The following SUPT7L variants were observed in gnomAD, a reference collection of about 807,000 sequenced individuals.
SUPT7L encodes STAGA complex 65 subunit gamma.
Under a neutral mutation model 35.7 loss-of-function variants are expected in SUPT7L, and 15 were observed. The ratio of observed to expected loss-of-function variants is 0.42; its 90% CI spans 0.28 to 0.65. The LOEUF (loss-of-function observed/expected upper bound fraction) is 0.65. Among genes scored for constraint, SUPT7L ranks in the 30% least tolerant of loss-of-function variants. The pLI is 0.23. For missense variants in SUPT7L, 434 were observed against 522.2 expected (o/e 0.83, Z 1.65); for synonymous variants, 168 against 186.2 (o/e 0.90, Z 0.79).
At chr2:27,644,245 T>G in the SUPT7L span, among the ~76,000 whole-genome samples, 1 of 152,204 alleles carries the variant, frequency 6.6e-6, no homozygotes, top group African/African-American at 2.4e-5. Flanking sequence ...ATAAGAATTT[T>G]GTGGGGTGAT....
At chr2:27,644,276 C>G in the SUPT7L span, among the ~76,000 whole-genome samples, 1 of 152,054 alleles carries the variant, frequency 6.6e-6, no homozygotes, top group African/African-American at 2.4e-5. Context: ...TATAAATATC[C>G]TTTTAGTTTT....
intron 2 of SUPT7L, 107 bp from the exon 3 acceptor site, chr2:27,661,495 G>A: frequency 6.5e-7 from 1 of 1,530,710 alleles, no homozygotes; most frequent in Non-Finnish European, 8.7e-7. Flanking sequence ...GGCTTCTGTA[G>A]TGAAAAATAC....
the SUPT7L span, chr2:27,642,579 T>A: frequency 9.7e-7 from 1 of 1,031,000 alleles, no homozygotes; most frequent in Non-Finnish European, 1.5e-6. Flanking sequence ...TTCTTTTATT[T>A]ATTTATTTAT....
chr2:27,643,330 CTA>C, the SUPT7L span, among the ~76,000 whole-genome samples: 2 of 151,512 alleles, frequency 1.3e-5, no homozygotes, highest in African/African-American at 2.4e-5. This position sits in a 1 kb window ranked among gnomAD's most constrained non-coding sequence, Gnocchi z 4.0. Flanking sequence ...TATTCTTTAT[CTA>C]TATATGACTT....
Position 27,662,077 on chromosome 2 carries a change from CTTTTTAA to C in SUPT7L, c.14+95_14+101del, listed in dbSNP as rs1433016530. The C allele has an allele frequency of 1.9e-6, 3 of 1,542,958 alleles. No homozygotes were observed. In the African/African-American group the frequency reaches 4.1e-5, roughly 21 times the overall value. Reference sequence around the variant, plus strand: ...TCTCTACACTGCTGCTAGACTTACTCTTTTTAAAACTTAAATCAAATGGCTTCCCATT... The same window carrying C: ...TCTCTACACTGCTGCTAGACTTACTCAACTTAAATCAAATGGCTTCCCATT... On this transcript the variant is annotated intron_variant, in intron 2 of 5. Transcript: ENST00000337768.
chr2:27,653,618 C>G lies in SUPT7L; in HGVS notation c.1112G>C (p.Gly371Ala). The part of the protein sequence containing the change: ...GSDVFEEPMS[G>A]MSEAGIPQSP... ...CTGAGGAATCCCAGCTTCACTCATG[C>G]CTGACATAGGCTCCTCGAAGACATC... The change falls in exon 6 of 6, where the codon GGC (glycine) becomes GCC (alanine). Residue 371 changes from glycine (G) to alanine (A), a missense_variant. Gly to Ala is a moderately conservative substitution (Grantham distance 60). Coordinates refer to ENST00000337768, the MANE Select transcript of SUPT7L (RefSeq NM_014860.3). 6.2e-7 allele frequency: 1 copy of G among 1,614,184 alleles called. No individual in the cohort carries two copies. The highest frequency in any genetic ancestry group is 8.5e-7 in the Non-Finnish European group (1 of 1,180,040).
intron 5 of SUPT7L, 137 bp from the exon 6 acceptor site, chr2:27,653,884 G>A (rs957051216): frequency 1.3e-5 from 15 of 1,134,448 alleles, no homozygotes; most frequent in Non-Finnish European, 1.9e-5. Context: ...CTTGGCTGGA[G>A]AATATGGTTG....
chr2:27,651,127 T>C lies in SUPT7L; in HGVS notation c.*2358A>G, dbSNP rs142156179. On this transcript the variant is annotated 3_prime_UTR_variant, in exon 6 of 6. Coordinates refer to ENST00000337768, the MANE Select transcript of SUPT7L (RefSeq NM_014860.3). ...CACATTTCATACATAACAGCCCTTA[T>C]AAACGTTTGCCCTGCCTCCACATTT... 3 of 152,504 alleles carry C rather than the reference T, an allele frequency of 2.0e-5. No individual in the cohort carries two copies. Among genetic ancestry groups the C allele is most frequent in the African/African-American group, 7.2e-5 (3 of 41,586 alleles). The allele number at this position is 152,504 out of a possible 1,614,324, so 9.4% of individuals were successfully genotyped here. A position where few individuals can be genotyped will look rare whatever the true frequency, so the allele number is the denominator to read the frequency against.
At chr2:27,645,353 TTA>T in the SUPT7L span, among the ~76,000 whole-genome samples, 1 of 152,210 alleles carries the variant, frequency 6.6e-6, no homozygotes, top group Non-Finnish European at 1.5e-5. Flanking sequence ...AATTATGTAA[TTA>T]TGTTTCAATA....
In SUPT7L at chr2:27,663,607, A is replaced by G. The variant is rs368426425; in HGVS notation, c.-368T>C. 9.9e-6 allele frequency: 7 copies of G among 707,314 alleles called. No homozygotes were observed. Among genetic ancestry groups the G allele is most frequent in the Non-Finnish European group, 1.4e-5 (6 of 425,546 alleles). The allele number at this position is 707,314 out of a possible 1,614,324, so 43.8% of individuals were successfully genotyped here. A position where few individuals can be genotyped will look rare whatever the true frequency, so the allele number is the denominator to read the frequency against. Reference sequence around the variant, plus strand: ...GACCCCGAAAGCTGGTTTGTTGATTAGTGATCTAAGACCGCCGGAAGCGCT... The same window carrying G: ...GACCCCGAAAGCTGGTTTGTTGATTGGTGATCTAAGACCGCCGGAAGCGCT... On this transcript the variant is annotated 5_prime_UTR_variant, in exon 1 of 6. Transcript: ENST00000337768.
downstream of SUPT7L, chr2:27,647,939 C>CA (rs1210634605): frequency 1.9e-6 from 3 of 1,591,768 alleles, no homozygotes; most frequent in Non-Finnish European, 2.6e-6. Flanking sequence ...ACATTGACCA[C>CA]AGAGGTGAGA....
rs987014119 is a variant in SUPT7L at position 27,650,839 on chromosome 2, A to G, written c.*2646T>C. On this transcript the variant is annotated 3_prime_UTR_variant, in exon 6 of 6. Transcript: ENST00000337768. ...TTGGTGACTTGGATAAAGACTTTTTAATTTTAACTTTGTTCTAAGACTGCT... is the reference window on the plus strand; with the variant it reads ...TTGGTGACTTGGATAAAGACTTTTTGATTTTAACTTTGTTCTAAGACTGCT... The G allele has an allele frequency of 3.3e-5, 5 of 152,828 alleles. No individual in the cohort carries two copies. Among genetic ancestry groups the G allele is most frequent in the Non-Finnish European group, 7.3e-5 (5 of 68,038 alleles). The allele number at this position is 152,828 out of a possible 1,614,324, so 9.5% of individuals were successfully genotyped here.
At chr2:27,662,019 C>A in intron 2 of SUPT7L, 160 bp downstream of exon 2, 2 of 919,338 alleles carry the variant, frequency 2.2e-6, no homozygotes, top group Non-Finnish European at 3.3e-6. Context: ...AACTGGTATC[C>A]CTTCCTCCAA....
At chr2:27,654,566 G>A (rs1389554264) in intron 5 of SUPT7L, among the ~76,000 whole-genome samples, 1 of 152,036 alleles carries the variant, frequency 6.6e-6, no homozygotes, top group African/African-American at 2.4e-5. Flanking sequence ...TAACTGGGAA[G>A]CCCTATTTCT....
At chr2:27,650,100 C>T (rs1674453213), downstream of SUPT7L, 19 of 1,500,492 alleles carry the variant, frequency 1.3e-5, no homozygotes, top group East Asian at 3.4e-4. Context: ...AAGAATTGCC[C>T]TTTTTTCCTT....
At chr2:27,659,872 TAGTG>T (rs1674968860) in intron 3 of SUPT7L, among the ~76,000 whole-genome samples, 1 of 152,202 alleles carries the variant, frequency 6.6e-6, no homozygotes, top group African/African-American at 2.4e-5. Context: ...TGTTAAACAT[TAGTG>T]AGTCATGGTG....
At chr2:27,643,012 T>G in the SUPT7L span, among the ~76,000 whole-genome samples, 1 of 143,166 alleles carries the variant, frequency 7.0e-6, no homozygotes, top group East Asian at 2.4e-4. This position sits in a 1 kb window ranked among gnomAD's most constrained non-coding sequence, Gnocchi z 4.0. Flanking sequence ...TGCATACATA[T>G]ATATTAAAAA....
rs1213861596 is a variant in SUPT7L, at chr2:27,653,759, G to C, written c.983-12C>G. 6.8e-6 allele frequency: 11 copies of C among 1,613,960 alleles called. No homozygotes were observed. The Admixed American group carries it at 1.8e-4, about 27-fold the overall frequency. ...ATTTACCTCTGCACCTAGAAACAGA[G>C]GAAAGATGGACATACACCAAGTGTA... On this transcript the variant is annotated splice_polypyrimidine_tract_variant and intron_variant, in intron 5 of 5. Transcript: ENST00000337768.
chr2:27,656,645 T>C (rs1476298949), intron 4 of SUPT7L, among the ~76,000 whole-genome samples: 1 of 151,992 alleles, frequency 6.6e-6, no homozygotes, highest in African/African-American at 2.4e-5. Flanking sequence ...CTCTTTTTTT[T>C]TTTTTCAGAC....
Sources: gnomAD v4.1 joint callset for allele counts (sites outside exome capture counted in the v4.1 genomes callset) on GRCh38, gnomAD v4.1.1 for gene constraint, Gnocchi (gnomAD v3.1) non-coding constraint, MANE v1.5 for transcripts, NCBI Gene and HGNC (gene_info 2026-07-23, HGNC 2026-07-21) for gene names.